The following IFT122 variants were observed in gnomAD, a reference collection of about 807,000 sequenced individuals.
The protein encoded by IFT122 is intraflagellar transport 122, also known as intraflagellar transport protein 122 homolog.
Under a neutral mutation model 161.6 loss-of-function variants are expected in IFT122, and 118 were observed. That is an observed-to-expected ratio of 0.73 (90% CI 0.63 to 0.85). IFT122 has a LOEUF of 0.85. Ranked by LOEUF, IFT122 falls within the 40% of genes least tolerant of loss-of-function variation. The pLI is 0.00. For missense variants in IFT122, 1,381 were observed against 1,579.6 expected (o/e 0.87, Z 2.13); for synonymous variants, 550 against 602.4 (o/e 0.91, Z 1.27).
At chr3:129,465,647 T>TGGCTAA (rs1292445943) in intron 7 of IFT122, among the ~76,000 whole-genome samples, 71 of 91,948 alleles carry the variant, frequency 7.7e-4, no homozygotes, top group East Asian at 5.2e-3. Flanking sequence ...ATTTTTTTTT[T>TGGCTAA]TTTTTTGAGA....
intron 3 of IFT122, chr3:129,458,138 T>A (rs1333468896): frequency 5.8e-6 from 1 of 171,802 alleles, no homozygotes; most frequent in African/African-American, 2.4e-5. Flanking sequence ...GTATATAAAA[T>A]ACCACATTGT....
intron 13 of IFT122, among the ~76,000 whole-genome samples, chr3:129,480,845 G>A (rs1369895287): frequency 3.9e-5 from 6 of 152,048 alleles, no homozygotes; most frequent in African/African-American, 9.7e-5. Flanking sequence ...ATATCATCAG[G>A]GTTGGGAGTT....
chr3:129,474,650 G>A (rs2108259496), intron 9 of IFT122, among the ~76,000 whole-genome samples: 1 of 152,316 alleles, frequency 6.6e-6, no homozygotes, highest in East Asian at 1.9e-4. Context: ...CTGTGAGGAT[G>A]TGGAGGCCTG....
chr3:129,504,189 G>T, intron 20 of IFT122, 130 bp from the exon 21 acceptor site: 1 of 755,196 alleles, frequency 1.3e-6, no homozygotes, highest in Non-Finnish European at 2.3e-6. Flanking sequence ...TTTTTTGGGG[G>T]AGGCACTCTC....
chr3:129,509,221 A>G lies in IFT122; in HGVS notation c.2886+1459A>G, dbSNP rs529331781. ...CAAAACGACTATATTTTCATTTTCT[A>G]TCAGCTCATGAGGCACCCACTTATC... On this transcript the variant is annotated intron_variant, in intron 23 of 29. Transcript: ENST00000348417. 2.0e-4 allele frequency among the ~76,000 whole-genome samples: 30 copies of G among 152,294 alleles called. No individual in the cohort carries two copies. In the South Asian group the frequency reaches 5.8e-3, roughly 29 times the overall value.
intron 9 of IFT122, among the ~76,000 whole-genome samples, 197 bp downstream of exon 9, chr3:129,469,614 A>G (rs944090192): frequency 5.3e-5 from 8 of 152,208 alleles, no homozygotes; most frequent in African/African-American, 1.9e-4. Flanking sequence ...AGTGGGTACT[A>G]CTTTCCTTAT....
chr3:129,491,821 T>C (rs2080136094), intron 16 of IFT122, among the ~76,000 whole-genome samples: 1 of 152,186 alleles, frequency 6.6e-6, no homozygotes, highest in Non-Finnish European at 1.5e-5. Context: ...TCAGACCGGC[T>C]TGTTCTTCTT....
At chr3:129,490,730 G>A (rs1366442176) in intron 16 of IFT122, among the ~76,000 whole-genome samples, 1 of 152,172 alleles carries the variant, frequency 6.6e-6, no homozygotes, top group Non-Finnish European at 1.5e-5. Flanking sequence ...GGCTTTGCAG[G>A]GTTGCCCTCT....
intron 4 of IFT122, chr3:129,460,912 A>G (rs1559868334): frequency 1.2e-6 from 2 of 1,614,108 alleles, no homozygotes; most frequent in Non-Finnish European, 1.7e-6. Flanking sequence ...CCTCCACAAA[A>G]CAGTAAGAGT....
intron 2 of IFT122, 73 bp downstream of exon 2, chr3:129,450,010 CCT>C: frequency 1.0e-6 from 1 of 973,616 alleles, no homozygotes; most frequent in Non-Finnish European, 1.6e-6. Context: ...GAAATTTGAC[CCT>C]TTTTTTTTTT....
chr3:129,486,336 C>G (rs1389162209), intron 15 of IFT122, among the ~76,000 whole-genome samples: 1 of 152,230 alleles, frequency 6.6e-6, no homozygotes, highest in Non-Finnish European at 1.5e-5. Context: ...TCATTTCACT[C>G]TTTGGGGCCT....
intron 8 of IFT122, among the ~76,000 whole-genome samples, chr3:129,468,004 C>T (rs2076979652): frequency 6.6e-6 from 1 of 152,216 alleles, no homozygotes; most frequent in Non-Finnish European, 1.5e-5. Flanking sequence ...TGAGCCCAGC[C>T]CAGAGCCATA....
At chr3:129,459,312 CAG>C (rs2075895591) in intron 4 of IFT122, 2 of 452,894 alleles carry the variant, frequency 4.4e-6, no homozygotes, top group East Asian at 7.0e-5. Context: ...TGTTTTGAGA[CAG>C]AGTCTTGCTC....
At chr3:129,456,172 G>A (rs1219541390) in intron 3 of IFT122, 1 of 1,105,736 alleles carries the variant, frequency 9.0e-7, no homozygotes. Context: ...GAGATCTCTA[G>A]GAATTCTGAC....
intron 25 of IFT122, 136 bp from the exon 26 acceptor site, chr3:129,515,352 G>A (rs1270248340): frequency 1.6e-5 from 12 of 739,016 alleles, no homozygotes; most frequent in African/African-American, 7.0e-5. Flanking sequence ...TCCTGGGCCC[G>A]GCGCCCCTTC....
intron 3 of IFT122, among the ~76,000 whole-genome samples, chr3:129,453,623 G>A (rs2075113024): frequency 6.6e-6 from 1 of 152,206 alleles, no homozygotes; most frequent in Non-Finnish European, 1.5e-5. Flanking sequence ...CAAGGGAGCA[G>A]AAAGTGTATA....
At chr3:129,503,850 G>C in intron 20 of IFT122, 1 of 243,448 alleles carries the variant, frequency 4.1e-6, no homozygotes, top group Non-Finnish European at 8.1e-6. Flanking sequence ...CGGTTCTCCT[G>C]GCCTGACAGG....
chr3:129,473,200 C>G (rs2077545684), intron 9 of IFT122, among the ~76,000 whole-genome samples: 2 of 152,172 alleles, frequency 1.3e-5, no homozygotes, highest in Admixed American at 1.3e-4. Flanking sequence ...ACTCTGTAGG[C>G]TGAGGTGGGA....
chr3:129,491,752 C>G (rs1280313038), intron 16 of IFT122, among the ~76,000 whole-genome samples: 1 of 152,196 alleles, frequency 6.6e-6, no homozygotes, highest in Non-Finnish European at 1.5e-5. Flanking sequence ...TAGGCAGTCT[C>G]TCATCAGTCC....
Sources: allele counts gnomAD v4.1 joint callset (sites outside exome capture counted in the v4.1 genomes callset), GRCh38; gene constraint gnomAD v4.1.1; transcripts MANE v1.5; gene names NCBI Gene and HGNC (gene_info 2026-07-23, HGNC 2026-07-21).